PATJ: variants seen among roughly 807,000 people sequenced by gnomAD.
The protein encoded by PATJ is inaD-like protein.
Under a neutral mutation model 224.9 loss-of-function variants are expected in PATJ, and 190 were observed. That is an observed-to-expected ratio of 0.84 (90% CI 0.75 to 0.95). The LOEUF (loss-of-function observed/expected upper bound fraction) is 0.95. PATJ is among the 40% of genes least tolerant of loss of function. The pLI is 0.00. For synonymous variants in PATJ, 769 were observed against 820.3 expected (o/e 0.94, Z 1.07); for missense variants, 2,121 against 2,270.3 (o/e 0.93, Z 1.34).
intron 16 of PATJ, 144 bp from the exon 17 acceptor site, chr1:61,833,510 C>G (rs1659686863): frequency 1.4e-6 from 1 of 731,526 alleles, no homozygotes; most frequent in Admixed American, 3.4e-5. Context: ...GAGCATGCCC[C>G]TTTTACAAAG....
At chr1:62,139,086 A>G (rs1277285237) in intron 41 of PATJ, among the ~76,000 whole-genome samples, 1 of 151,962 alleles carries the variant, frequency 6.6e-6, no homozygotes, top group Admixed American at 6.6e-5. Flanking sequence ...TACAGCCAGG[A>G]GTGTAAGATT....
At chr1:62,119,519 AGT>A (rs892826714) in intron 37 of PATJ, among the ~76,000 whole-genome samples, 1 of 152,216 alleles carries the variant, frequency 6.6e-6, no homozygotes, top group Non-Finnish European at 1.5e-5. Flanking sequence ...GGGGCCACCA[AGT>A]GTCTTTTTTT....
At chr1:61,820,334 G>A (rs1182517022) in intron 14 of PATJ, among the ~76,000 whole-genome samples, 1 of 150,930 alleles carries the variant, frequency 6.6e-6, no homozygotes, top group Non-Finnish European at 1.5e-5. Flanking sequence ...CACCGTGCCT[G>A]GCCTATTTAT....
chr1:62,038,139 T>A, intron 30 of PATJ, 90 bp downstream of exon 30: 1 of 806,294 alleles, frequency 1.2e-6, no homozygotes. Flanking sequence ...ATTCAGTATT[T>A]GGTATTCCAA....
At chr1:61,934,492 C>T (rs935976897) in intron 27 of PATJ, among the ~76,000 whole-genome samples, 2 of 152,096 alleles carry the variant, frequency 1.3e-5, no homozygotes, top group African/African-American at 4.8e-5. Context: ...TGCTATGTGC[C>T]ATACATTCTC....
chr1:61,809,460 T>C (rs1306079601), intron 14 of PATJ, among the ~76,000 whole-genome samples: 1 of 151,378 alleles, frequency 6.6e-6, no homozygotes, highest in Non-Finnish European at 1.5e-5. Flanking sequence ...CAATCTTGGC[T>C]CACCGCAACC....
intron 4 of PATJ, among the ~76,000 whole-genome samples, chr1:61,767,690 T>G (rs1308840296): frequency 6.6e-6 from 1 of 150,598 alleles, no homozygotes; most frequent in Non-Finnish European, 1.5e-5. Context: ...TTTTTTTTTT[T>G]TTTTGAGATG....
rs534322721 is a variant in PATJ, at chr1:61,943,706, C to T, written c.3670+15877C>T. ...CAGCAGAAACTTCTGCAGACTTAAACGTCCGTGTCTGACAGCTTTGAAGAG... is the reference window on the plus strand; with the variant it reads ...CAGCAGAAACTTCTGCAGACTTAAATGTCCGTGTCTGACAGCTTTGAAGAG... On this transcript the variant is annotated intron_variant, in intron 27 of 43. Coordinates refer to ENST00000642238, the MANE Select transcript of PATJ (RefSeq NM_001350145.3). Among the ~76,000 whole-genome samples, 476 of 152,324 alleles carry T rather than the reference C, an allele frequency of 3.1e-3. 2 individuals are homozygous for T. The highest frequency in any genetic ancestry group is 5.0e-3 in the Non-Finnish European group (342 of 68,030).
Position 61,893,485 on chromosome 1 carries a change from G to GT in PATJ, c.3132-6083dup, listed in dbSNP as rs66571879. On this transcript the variant is annotated intron_variant, in intron 22 of 43. Coordinates refer to ENST00000642238, the MANE Select transcript of PATJ (RefSeq NM_001350145.3). ...GTTGCTTTCCCTTCTATTTTAGGGT[G>GT]TTTTTTTTTTTTTTTCGCCAATTAA... Among the ~76,000 whole-genome samples, 1,236 of 139,236 alleles carry GT rather than the reference G, an allele frequency of 8.9e-3. 22 individuals carry two copies. The highest frequency in any genetic ancestry group is 0.029 in the African/African-American group (1,127 of 38,390). The allele number at this position is 139,236 out of a possible 152,430, so 91.3% of individuals were successfully genotyped here.
chr1:62,087,176 G>A (rs1013096613), intron 33 of PATJ, among the ~76,000 whole-genome samples: 6 of 152,042 alleles, frequency 3.9e-5, no homozygotes, highest in Non-Finnish European at 8.8e-5. Context: ...TTTAGCAACG[G>A]AAGTGGCTGT....
intron 43 of PATJ, among the ~76,000 whole-genome samples, chr1:62,154,601 C>T (rs1450904304): frequency 3.4e-5 from 5 of 148,648 alleles, no homozygotes; most frequent in Non-Finnish European, 7.4e-5. Flanking sequence ...GCAGAGGTTG[C>T]CATGATCCCA....
chr1:61,918,728 C>G (rs1673828280), intron 26 of PATJ, among the ~76,000 whole-genome samples: 1 of 152,048 alleles, frequency 6.6e-6, no homozygotes. Context: ...TTTAGGAGGC[C>G]TAAGTAGGAG....
chr1:62,048,500 C>T (rs1444552272), intron 30 of PATJ, among the ~76,000 whole-genome samples: 2 of 128,880 alleles, frequency 1.6e-5, no homozygotes, highest in East Asian at 5.1e-4. Context: ...AAGCCGAGAT[C>T]GTGCCACTGC....
At chr1:61,914,410 T>G (rs568006361) in intron 25 of PATJ, among the ~76,000 whole-genome samples, 177 bp from the exon 26 acceptor site, 3 of 152,236 alleles carry the variant, frequency 2.0e-5, no homozygotes, top group Non-Finnish European at 4.4e-5. Flanking sequence ...GAGCAGAGAT[T>G]GTGCCATTGC....
chr1:61,781,404 T>C (rs1350043795), intron 7 of PATJ, among the ~76,000 whole-genome samples: 1 of 152,184 alleles, frequency 6.6e-6, no homozygotes, highest in African/African-American at 2.4e-5. Flanking sequence ...AACCAACTTA[T>C]CTCCTTCCTC....
Position 61,864,568 on chromosome 1 carries a change from G to A in PATJ, c.2770G>A (p.Ala924Thr). 1 of 1,611,796 alleles carries A rather than the reference G, an allele frequency of 6.2e-7. No individual in the cohort carries two copies. Among genetic ancestry groups the A allele is most frequent in the Non-Finnish European group, 8.5e-7 (1 of 1,179,664 alleles). The change falls in exon 20 of 44, where the codon GCA (alanine) becomes ACA (threonine). Residue 924 changes from alanine (A) to threonine (T), a missense_variant. Physicochemically the swap from Ala to Thr is moderately conservative, Grantham distance 58 (BLOSUM62 0). Transcript: ENST00000642238. ...TAATGAACCATCCGAGTCTCAAGAG[G>A]CAAGAACCGGGAGGACTGTCTATTC... Reference protein sequence around the residue: ...HDNEPSESQEARTGRTVYSQE... With the variant: ...HDNEPSESQETRTGRTVYSQE...
At chr1:61,968,277 G>T (rs1682448033) in intron 27 of PATJ, among the ~76,000 whole-genome samples, 3 of 152,058 alleles carry the variant, frequency 2.0e-5, no homozygotes. Flanking sequence ...CTTTCATTCG[G>T]TGGCTTTTCT....
At chr1:62,012,568 G>A (rs975219542) in intron 28 of PATJ, among the ~76,000 whole-genome samples, 1 of 152,104 alleles carries the variant, frequency 6.6e-6, no homozygotes, top group Non-Finnish European at 1.5e-5. Context: ...TACAATAGAT[G>A]ATAATCTAAA....
At chr1:62,069,937 G>A (rs1231814799) in intron 31 of PATJ, among the ~76,000 whole-genome samples, 1 of 152,174 alleles carries the variant, frequency 6.6e-6, no homozygotes, top group Non-Finnish European at 1.5e-5. Flanking sequence ...GTAAGTAGCA[G>A]AACAAGTCTG....
Sources: allele counts gnomAD v4.1 joint callset (sites outside exome capture counted in the v4.1 genomes callset), GRCh38; gene constraint gnomAD v4.1.1; transcripts MANE v1.5; gene names NCBI Gene and HGNC (gene_info 2026-07-23, HGNC 2026-07-21).